Variants in NSD1 observed in about 807,000 individuals in gnomAD.
The protein encoded by NSD1 is histone-lysine N-methyltransferase, H3 lysine-36 specific.
In NSD1, 26 loss-of-function variants were observed where a neutral mutation model predicts 242.7. The observed-to-expected ratio is 0.11, with a 90% CI of 0.08 to 0.15. The LOEUF is 0.15. Among genes scored for constraint, NSD1 ranks in the 10% least tolerant of loss-of-function variants. NSD1 has a pLI of 1.00. For missense variants in NSD1, 2,495 were observed against 3,272.8 expected, an observed-to-expected ratio of 0.76 and a Z score of 5.80; for synonymous variants, 1,106 against 1,178.1, an observed-to-expected ratio of 0.94 and a Z score of 1.25.
chr5:177,194,090 T>G (rs1459881184), intron 3 of NSD1, among the ~76,000 whole-genome samples: 2 of 152,270 alleles, frequency 1.3e-5, no homozygotes, highest in Non-Finnish European at 2.9e-5. Flanking sequence ...ATTAATATAT[T>G]TTTATATACA....
intron 5 of NSD1, among the ~76,000 whole-genome samples, chr5:177,229,329 G>A (rs1398114128): frequency 6.6e-6 from 1 of 152,142 alleles, no homozygotes; most frequent in Non-Finnish European, 1.5e-5. Flanking sequence ...TAGTTGTATA[G>A]TAGGCATGAC....
chr5:177,247,098 CAACATATGATCTGAAGG>C (rs1766359518), intron 10 of NSD1, among the ~76,000 whole-genome samples: 1 of 152,180 alleles, frequency 6.6e-6, no homozygotes, highest in Non-Finnish European at 1.5e-5. Flanking sequence ...AATATCAAGT[CAACATATGATCTGAAGG>C]AACATAGATA....
chr5:177,205,970 T>C (rs1041253650), intron 4 of NSD1, among the ~76,000 whole-genome samples: 3 of 152,098 alleles, frequency 2.0e-5, no homozygotes, highest in Admixed American at 6.6e-5. Context: ...ACTACAGATA[T>C]GTATGACTAC....
chr5:177,257,973 CTTTTTTTTT>C (rs35034666), intron 13 of NSD1, among the ~76,000 whole-genome samples: 17 of 52,548 alleles, frequency 3.2e-4, no homozygotes, highest in Non-Finnish European at 5.5e-4. Context: ...CCCCCTGGGC[CTTTTTTTTT>C]TTTTTTTTTT....
intron 2 of NSD1, chr5:177,136,970 AGT>A (rs1177977101): frequency 2.9e-6 from 2 of 696,964 alleles, no homozygotes; most frequent in Non-Finnish European, 5.2e-6. Flanking sequence ...CAGATTTTGA[AGT>A]GTGTATGTGT....
intron 20 of NSD1, 166 bp from the exon 21 acceptor site, chr5:177,288,653 C>T: frequency 3.3e-6 from 2 of 599,480 alleles, no homozygotes; most frequent in Non-Finnish European, 5.9e-6. Flanking sequence ...AATTGTATTA[C>T]CTGATTATTA....
chr5:177,134,650 C>G lies in NSD1; in HGVS notation c.-17-437C>G, dbSNP rs973479521. Among the ~76,000 whole-genome samples, 2 of 152,134 alleles carry G rather than the reference C, an allele frequency of 1.3e-5. No homozygotes were observed. The highest frequency in any genetic ancestry group is 2.9e-5 in the Non-Finnish European group (2 of 68,010). On this transcript the variant is annotated intron_variant, in intron 1 of 22. Transcript: ENST00000439151. The surrounding 1 kb of genome is among the most constrained non-coding windows in gnomAD (Gnocchi z 4.2). Reference sequence around the variant, plus strand: ...CGCTATTGTGACCGCTGCGCCCTAGCGAGCCAGGAAGGGGGGGGTACCTTT... The same window carrying G: ...CGCTATTGTGACCGCTGCGCCCTAGGGAGCCAGGAAGGGGGGGGTACCTTT...
At chr5:177,246,198 G>A (rs1766279469) in intron 9 of NSD1, among the ~76,000 whole-genome samples, 1 of 151,254 alleles carries the variant, frequency 6.6e-6, no homozygotes, top group East Asian at 2.0e-4. Context: ...TCAAATTCCT[G>A]ACCTCATGTG....
At chr5:177,218,847 G>A (rs1018330941) in intron 5 of NSD1, among the ~76,000 whole-genome samples, 2 of 151,746 alleles carry the variant, frequency 1.3e-5, no homozygotes, top group Non-Finnish European at 2.9e-5. Flanking sequence ...GGGATTACAT[G>A]CATGAGCCAC....
In NSD1 at chr5:177,295,610, C is replaced by T. The variant is rs1489820574; in HGVS notation, c.*151C>T. The T allele has an allele frequency of 2.3e-6, 2 of 862,000 alleles. No homozygotes were observed. Among genetic ancestry groups the T allele is most frequent in the African/African-American group, 3.3e-5 (2 of 59,722 alleles). 53.4% of individuals were successfully genotyped at this position (862,000 alleles called of 1,614,324 possible). A position where few individuals can be genotyped will look rare whatever the true frequency, so the allele number is the denominator to read the frequency against. The stretch of plus-strand genomic sequence containing the variant: ...TTTCCTCATATCCCAACACTCAGAA[C>T]TCTTGTGACATTAGCCAGTGGGGGC... On this transcript the variant is annotated 3_prime_UTR_variant, in exon 23 of 23. Transcript: ENST00000439151. The surrounding 1 kb of genome is among the most constrained non-coding windows in gnomAD (Gnocchi z 4.3).
intron 2 of NSD1, among the ~76,000 whole-genome samples, chr5:177,164,400 G>A (rs1054132135): frequency 3.3e-5 from 5 of 151,658 alleles, no homozygotes; most frequent in African/African-American, 4.8e-5. Context: ...CAGGTGATCC[G>A]CCTGCCTCGG....
intron 2 of NSD1, chr5:177,136,902 G>A: frequency 1.4e-6 from 1 of 700,688 alleles, no homozygotes; most frequent in Non-Finnish European, 2.6e-6. Context: ...GCCCAGGCTG[G>A]CGTCGGGACT....
chr5:177,279,877 A>G (rs1383534127), intron 17 of NSD1, among the ~76,000 whole-genome samples: 1 of 151,226 alleles, frequency 6.6e-6, no homozygotes, highest in Non-Finnish European at 1.5e-5. Context: ...TCGGCCTCCC[A>G]AAGTGCTGGG....
At chr5:177,252,894 A>G (rs1038343939) in intron 12 of NSD1, among the ~76,000 whole-genome samples, 3 of 151,096 alleles carry the variant, frequency 2.0e-5, no homozygotes, top group Non-Finnish European at 4.4e-5. Context: ...CCTGTAAGTC[A>G]TTGAAGCTGC....
At chr5:177,132,478 A>G (rs982823759), upstream of NSD1, among the ~76,000 whole-genome samples, 4 of 151,686 alleles carry the variant, frequency 2.6e-5, no homozygotes, top group African/African-American at 9.7e-5. The surrounding 1 kb of genome is among the most constrained non-coding windows in gnomAD (Gnocchi z 7.5). Flanking sequence ...CAGGGACTAG[A>G]GGACCCCCTC....
rs1173453844 is a variant in NSD1, at chr5:177,248,333, A to G, written c.4641+9A>G. ...AGGAGAATGTCTGTCAGGTAGAGAA[A>G]TGTTTGCCCACTTGTGTTTTCATTG... On this transcript the variant is annotated intron_variant, in intron 11 of 22. Transcript: ENST00000439151. 1 of 1,612,856 alleles carries G rather than the reference A, an allele frequency of 6.2e-7. No homozygotes were observed. Among genetic ancestry groups the G allele is most frequent in the Admixed American group, 1.7e-5 (1 of 59,780 alleles).
At chr5:177,228,212 G>T (rs182680229) in intron 5 of NSD1, among the ~76,000 whole-genome samples, 1 of 151,420 alleles carries the variant, frequency 6.6e-6, no homozygotes, top group Admixed American at 6.6e-5. Flanking sequence ...GCACATTCAC[G>T]TAAGTTTTAT....
intron 1 of NSD1, 59 bp from the exon 2 acceptor site, chr5:177,135,028 A>G: frequency 6.8e-7 from 1 of 1,466,194 alleles, no homozygotes; most frequent in African/African-American, 1.4e-5. Flanking sequence ...CTGCCATTTT[A>G]AAGAGTCGAG....
intron 5 of NSD1, among the ~76,000 whole-genome samples, chr5:177,220,796 A>G (rs1409875387): frequency 6.6e-6 from 1 of 151,520 alleles, no homozygotes; most frequent in African/African-American, 2.4e-5. Flanking sequence ...GTCTCAAGTG[A>G]TCTTCCTCAA....
Sources: gnomAD v4.1 joint callset for allele counts (sites outside exome capture counted in the v4.1 genomes callset) on GRCh38, gnomAD v4.1.1 for gene constraint, Gnocchi (gnomAD v3.1) non-coding constraint, MANE v1.5 for transcripts, NCBI Gene and HGNC (gene_info 2026-07-23, HGNC 2026-07-21) for gene names.